FBXL7: variants seen among roughly 807,000 people sequenced by gnomAD.
The protein encoded by FBXL7 is F-box/LRR-repeat protein 7.
In FBXL7, 12 loss-of-function variants were observed where a neutral mutation model predicts 38.3. That is an observed-to-expected ratio of 0.31 (90% CI 0.20 to 0.51). FBXL7 has a LOEUF of 0.51. Among genes scored for constraint, FBXL7 ranks in the 20% least tolerant of loss-of-function variants. The pLI is 0.98. For missense variants in FBXL7, 567 were observed against 676.4 expected, an observed-to-expected ratio of 0.84 and a Z score of 1.79; for synonymous variants, 297 against 300.9, an observed-to-expected ratio of 0.99 and a Z score of 0.13.
intron 2 of FBXL7, among the ~76,000 whole-genome samples, chr5:15,769,440 C>T (rs1268327092): frequency 2.6e-5 from 4 of 152,176 alleles, no homozygotes; most frequent in African/African-American, 7.2e-5. Context: ...CGCTACTCAT[C>T]TGAAGCTTTA....
At chr5:15,623,670 C>A (rs1740722001) in intron 2 of FBXL7, among the ~76,000 whole-genome samples, 1 of 152,152 alleles carries the variant, frequency 6.6e-6, no homozygotes, top group South Asian at 2.1e-4. Flanking sequence ...CATGAATCAT[C>A]TAGGGAAGGA....
At chr5:15,922,030 A>G (rs999328145) in intron 2 of FBXL7, among the ~76,000 whole-genome samples, 1 of 152,152 alleles carries the variant, frequency 6.6e-6, no homozygotes, top group Non-Finnish European at 1.5e-5. Context: ...GTGCATTCCC[A>G]TGTTCATTAC....
intron 2 of FBXL7, among the ~76,000 whole-genome samples, chr5:15,850,552 T>A (rs566789016): frequency 6.6e-6 from 1 of 152,326 alleles, no homozygotes; most frequent in South Asian, 2.1e-4. Flanking sequence ...AAAATTTAGA[T>A]GTTTGTTATA....
intron 2 of FBXL7, among the ~76,000 whole-genome samples, chr5:15,886,340 G>C (rs968616412): frequency 9.2e-5 from 14 of 152,034 alleles, no homozygotes; most frequent in African/African-American, 3.4e-4. Flanking sequence ...GAGAACACAG[G>C]CAGGGGAAAG....
At chr5:15,804,508 C>T (rs1737654335) in intron 2 of FBXL7, among the ~76,000 whole-genome samples, 2 of 152,086 alleles carry the variant, frequency 1.3e-5, no homozygotes, top group South Asian at 4.2e-4. Context: ...AAAATGTTTA[C>T]AGTTGACCAT....
chr5:15,621,554 G>T (rs926381148), intron 2 of FBXL7, among the ~76,000 whole-genome samples: 3 of 152,158 alleles, frequency 2.0e-5, no homozygotes, highest in Non-Finnish European at 2.9e-5. Flanking sequence ...AGTTGGATTA[G>T]GTTAATTAGG....
chr5:15,900,982 T>C (rs1741219731), intron 2 of FBXL7, among the ~76,000 whole-genome samples: 1 of 152,238 alleles, frequency 6.6e-6, no homozygotes, highest in African/African-American at 2.4e-5. Context: ...AAGTATCAAG[T>C]AGGAACCTGC....
At chr5:15,630,479 ATT>A (rs562616295) in intron 2 of FBXL7, among the ~76,000 whole-genome samples, 19 of 144,758 alleles carry the variant, frequency 1.3e-4, no homozygotes, top group Admixed American at 1.4e-4. Context: ...GTGTGCTCAG[ATT>A]TTTTTTTTTT....
rs117645242 is a variant in FBXL7 at position 15,673,717 on chromosome 5, G to T, written c.127+57645G>T. On this transcript the variant is annotated intron_variant, in intron 2 of 3. Transcript: ENST00000504595. ...GTTATACCTCATTTTTGACCCCTAT[G>T]AGTATCCCCAAGCCTGATCATCTAC... Among the ~76,000 whole-genome samples, 7 of 152,126 alleles carry T rather than the reference G, an allele frequency of 4.6e-5. No individual in the cohort carries two copies. In the East Asian group the frequency reaches 1.4e-3, roughly 29 times the overall value.
At chr5:15,840,349 A>AGT (rs1561146743) in intron 2 of FBXL7, among the ~76,000 whole-genome samples, 1 of 42,830 alleles carries the variant, frequency 2.3e-5, no homozygotes, top group Non-Finnish European at 8.0e-5. Flanking sequence ...TGTTAGTAAA[A>AGT]ACCCCTCCTC....
intron 2 of FBXL7, among the ~76,000 whole-genome samples, chr5:15,831,406 G>A (rs375947899): frequency 7.9e-5 from 12 of 152,276 alleles, no homozygotes; most frequent in East Asian, 3.9e-4. Flanking sequence ...CACACTGACC[G>A]CATAGCCGAG....
chr5:15,744,435 G>T (rs1735964022), intron 2 of FBXL7, among the ~76,000 whole-genome samples: 1 of 151,888 alleles, frequency 6.6e-6, no homozygotes, highest in East Asian at 1.9e-4. Flanking sequence ...ATCACCTCAG[G>T]CTGGACTTCA....
chr5:15,906,625 C>G (rs910121674), intron 2 of FBXL7, among the ~76,000 whole-genome samples: 5 of 130,848 alleles, frequency 3.8e-5, no homozygotes, highest in Non-Finnish European at 8.0e-5. Flanking sequence ...ACTAATGTGT[C>G]ATCTAGCATT....
At chr5:15,633,540 T>A (rs1220912122) in intron 2 of FBXL7, among the ~76,000 whole-genome samples, 2 of 151,948 alleles carry the variant, frequency 1.3e-5, no homozygotes, top group Non-Finnish European at 2.9e-5. Flanking sequence ...TTTTTTTTTC[T>A]GTTTTATATA....
At chr5:15,812,163 AG>A (rs1199142843) in intron 2 of FBXL7, among the ~76,000 whole-genome samples, 13 of 152,220 alleles carry the variant, frequency 8.5e-5, no homozygotes, top group Admixed American at 7.2e-4. Context: ...AGCCATAAAA[AG>A]GAATAAGTTC....
At chr5:15,790,040 C>T (rs1359756805) in intron 2 of FBXL7, among the ~76,000 whole-genome samples, 1 of 152,168 alleles carries the variant, frequency 6.6e-6, no homozygotes, top group Non-Finnish European at 1.5e-5. Context: ...CCACTAAAAC[C>T]TCCAAAATCA....
intron 2 of FBXL7, among the ~76,000 whole-genome samples, chr5:15,654,159 G>A (rs1741798549): frequency 6.6e-6 from 1 of 152,156 alleles, no homozygotes; most frequent in Admixed American, 6.5e-5. Flanking sequence ...ATTTCTTAAA[G>A]AAGGGTTTGC....
At chr5:15,671,569 CGAAAG>C (rs1742478950) in intron 2 of FBXL7, among the ~76,000 whole-genome samples, 2 of 152,194 alleles carry the variant, frequency 1.3e-5, no homozygotes, top group Middle Eastern at 3.4e-3. Flanking sequence ...TGATCTTAGC[CGAAAG>C]GCTGAGAAGC....
chr5:15,568,638 G>T (rs551706200), intron 1 of FBXL7, among the ~76,000 whole-genome samples: 1,717 of 148,782 alleles, frequency 0.012, 21 homozygotes, highest in African/African-American at 0.039. Flanking sequence ...CATTGCTTTT[G>T]GTGTTTTAGA....
Sources: gnomAD v4.1 joint callset for allele counts (sites outside exome capture counted in the v4.1 genomes callset) on GRCh38, gnomAD v4.1.1 for gene constraint, MANE v1.5 for transcripts, NCBI Gene and HGNC (gene_info 2026-07-23, HGNC 2026-07-21) for gene names.